The following FGFR2 variants were observed in gnomAD, a reference collection of about 807,000 sequenced individuals.
The protein encoded by FGFR2 is BEK fibroblast growth factor receptor.
A neutral mutation model predicts 95.9 loss-of-function variants in FGFR2; 19 were observed. The ratio of observed to expected loss-of-function variants is 0.20; its 90% CI spans 0.14 to 0.29. FGFR2 has a LOEUF of 0.29. Ranked by LOEUF, FGFR2 falls within the 10% of genes least tolerant of loss-of-function variation. FGFR2 has a pLI of 1.00. For missense variants in FGFR2, 707 were observed against 1,056.9 expected (o/e 0.67, Z 4.59); for synonymous variants, 392 against 393.3 (o/e 1.00, Z 0.04).
rs952059110 is a variant in FGFR2, at chr10:121,587,781, T to C, written c.109+5928A>G. Among the ~76,000 whole-genome samples, 4 of 152,226 alleles carry C rather than the reference T, an allele frequency of 2.6e-5. No homozygotes were observed. In the East Asian group the frequency reaches 5.8e-4, roughly 22 times the overall value. On this transcript the variant is annotated intron_variant, in intron 2 of 17. Transcript: ENST00000358487. ...GATTGCAGAGAAAAGGAAACACTTA[T>C]ATACTGTTAGTAGGAGTGCAAATTA... is the stretch of plus-strand genomic sequence containing the variant.
intron 5 of FGFR2, among the ~76,000 whole-genome samples, chr10:121,543,029 G>C (rs1351117585): frequency 6.6e-6 from 1 of 152,194 alleles, no homozygotes; most frequent in Admixed American, 6.5e-5. Context: ...GTGATACAAA[G>C]TTTTATTCTG....
intron 6 of FGFR2, among the ~76,000 whole-genome samples, chr10:121,523,718 T>G (rs984126229): frequency 6.6e-6 from 1 of 152,216 alleles, no homozygotes; most frequent in Admixed American, 6.5e-5. Context: ...CATGTGTGTG[T>G]GTAGTGTGGG....
intron 9 of FGFR2, among the ~76,000 whole-genome samples, chr10:121,509,598 C>T (rs1486180825): frequency 1.4e-5 from 2 of 147,952 alleles, no homozygotes; most frequent in African/African-American, 5.0e-5. Flanking sequence ...ATTCTCCTGC[C>T]TCAGCCTCCC....
chr10:121,480,086 C>A (rs1411742169), intron 17 of FGFR2, 65 bp from the exon 18 acceptor site: 1 of 1,457,052 alleles, frequency 6.9e-7, no homozygotes, highest in Non-Finnish European at 9.6e-7. Context: ...GAATACGGTT[C>A]GAGAGGCTGA....
intron 6 of FGFR2, among the ~76,000 whole-genome samples, chr10:121,534,125 G>A (rs2134523584): frequency 7.4e-6 from 1 of 134,300 alleles, no homozygotes; most frequent in Admixed American, 8.0e-5. Context: ...TTGAGACGGA[G>A]TCTCACTTTG....
intron 6 of FGFR2, among the ~76,000 whole-genome samples, chr10:121,537,567 G>C (rs1213204321): frequency 1.3e-5 from 2 of 152,180 alleles, no homozygotes; most frequent in African/African-American, 4.8e-5. Context: ...CACACGCACA[G>C]GCTATGATGT....
intron 9 of FGFR2, among the ~76,000 whole-genome samples, chr10:121,504,774 G>A (rs958278892): frequency 3.3e-5 from 5 of 152,134 alleles, no homozygotes; most frequent in African/African-American, 4.8e-5. Flanking sequence ...ATTTCAGTGT[G>A]TCTGATAAAA....
chr10:121,497,759 T>C (rs573583867), intron 12 of FGFR2, among the ~76,000 whole-genome samples: 1 of 152,338 alleles, frequency 6.6e-6, no homozygotes, highest in African/African-American at 2.4e-5. Flanking sequence ...GCCAGGTCCA[T>C]TCATTTCTGT....
intron 2 of FGFR2, among the ~76,000 whole-genome samples, chr10:121,566,259 T>G (rs1857657640): frequency 6.6e-6 from 1 of 152,158 alleles, no homozygotes; most frequent in Non-Finnish European, 1.5e-5. Flanking sequence ...TTTCATGAGC[T>G]CTCATGTTCA....
chr10:121,498,463 T>C (rs749106062), intron 12 of FGFR2, 32 bp downstream of exon 12: 2 of 1,345,186 alleles, frequency 1.5e-6, no homozygotes, highest in South Asian at 2.3e-5. Flanking sequence ...CTGCAGAGTA[T>C]TTGGGCGAAT....
intron 2 of FGFR2, among the ~76,000 whole-genome samples, chr10:121,581,941 T>TTTAA (rs143845972): frequency 0.03 from 4,459 of 148,908 alleles, 183 homozygotes; most frequent in African/African-American, 0.095. Flanking sequence ...TGATTTTTTT[T>TTTAA]TTTATTTTTG....
At chr10:121,583,952 G>A (rs1590089012) in intron 2 of FGFR2, among the ~76,000 whole-genome samples, 1 of 152,030 alleles carries the variant, frequency 6.6e-6, no homozygotes, top group African/African-American at 2.4e-5. Flanking sequence ...TAAGATGAGA[G>A]ATAATATATG....
intron 2 of FGFR2, among the ~76,000 whole-genome samples, chr10:121,592,056 C>T (rs1476406780): frequency 6.6e-6 from 1 of 152,174 alleles, no homozygotes; most frequent in Non-Finnish European, 1.5e-5. Context: ...ATAACGCTGC[C>T]CTGAAAAGCC....
chr10:121,583,329 G>C (rs1452730558), intron 2 of FGFR2: 5 of 152,296 alleles, frequency 3.3e-5, no homozygotes, highest in Non-Finnish European at 7.3e-5. Flanking sequence ...AGTGGCAACA[G>C]CTGAGGGTTA....
At chr10:121,553,821 G>A (rs986422109) in intron 4 of FGFR2, among the ~76,000 whole-genome samples, 1 of 152,140 alleles carries the variant, frequency 6.6e-6, no homozygotes, top group African/African-American at 2.4e-5. Flanking sequence ...AAAAAAGTGG[G>A]ATTTAGCTGA....
intron 2 of FGFR2, among the ~76,000 whole-genome samples, chr10:121,575,052 C>T (rs2135269084): frequency 6.6e-6 from 1 of 152,320 alleles, no homozygotes; most frequent in Middle Eastern, 3.4e-3. Context: ...TCCAGAAACT[C>T]CAGACTGGCT....
chr10:121,562,257 T>C (rs1163651992), intron 4 of FGFR2, among the ~76,000 whole-genome samples: 1 of 132,760 alleles, frequency 7.5e-6, no homozygotes, highest in Non-Finnish European at 1.5e-5. Context: ...TATTTGCAAC[T>C]GTCAAAACTT....
intron 2 of FGFR2, among the ~76,000 whole-genome samples, chr10:121,585,964 G>A (rs1473139543): frequency 6.6e-6 from 1 of 152,040 alleles, no homozygotes; most frequent in Non-Finnish European, 1.5e-5. Flanking sequence ...GAACTTTAAG[G>A]GTGTTCAAAG....
chr10:121,522,280 A>G (rs1293769598), intron 6 of FGFR2, among the ~76,000 whole-genome samples: 1 of 152,222 alleles, frequency 6.6e-6, no homozygotes, highest in Non-Finnish European at 1.5e-5. Flanking sequence ...GACCAGGCGC[A>G]GTGGTTCATG....
Sources: allele counts gnomAD v4.1 joint callset (sites outside exome capture counted in the v4.1 genomes callset), GRCh38; gene constraint gnomAD v4.1.1; transcripts MANE v1.5; gene names NCBI Gene and HGNC (gene_info 2026-07-23, HGNC 2026-07-21).